LRRTM4: variants seen among roughly 807,000 people sequenced by gnomAD.
LRRTM4 encodes the protein leucine rich repeat transmembrane neuronal 4, also known as leucine-rich repeat transmembrane neuronal protein 4.
Under a neutral mutation model 47.6 loss-of-function variants are expected in LRRTM4, and 25 were observed. The observed-to-expected ratio is 0.53, with a 90% CI of 0.38 to 0.73. LRRTM4 has a LOEUF of 0.73. LRRTM4 is among the 30% of genes least tolerant of loss of function. The pLI, the probability that LRRTM4 is intolerant of heterozygous loss-of-function variation, is 0.00. For missense variants in LRRTM4, 638 were observed against 713.4 expected, an observed-to-expected ratio of 0.89 and a Z score of 1.20; for synonymous variants, 311 against 269.5, an observed-to-expected ratio of 1.15 and a Z score of -1.51.
At chr2:76,769,695 CGGCATTT>C (rs1472694870) in intron 3 of LRRTM4, among the ~76,000 whole-genome samples, 1 of 151,976 alleles carries the variant, frequency 6.6e-6, no homozygotes, top group Non-Finnish European at 1.5e-5. Flanking sequence ...GAATTCGTAT[CGGCATTT>C]TAACAGGACC....
At position 76,802,496 on chromosome 2, in the gene LRRTM4, G is replaced by T. The variant is rs183055861; in HGVS notation, c.1552-53580C>A. On this transcript the variant is annotated intron_variant, in intron 3 of 3. Transcript: ENST00000409884. Reference sequence around the variant, plus strand: ...CCACAAATTAATGGAAACATATCCTGTGTTCATGGATTGGAAGAATGGAAA... The same window carrying T: ...CCACAAATTAATGGAAACATATCCTTTGTTCATGGATTGGAAGAATGGAAA... 3.3e-5 allele frequency among the ~76,000 whole-genome samples: 5 copies of T among 152,122 alleles called. No homozygotes were observed. In the East Asian group the frequency reaches 7.7e-4, roughly 24 times the overall value.
chr2:77,223,872 A>G (rs1423707294), intron 3 of LRRTM4, among the ~76,000 whole-genome samples: 2 of 152,200 alleles, frequency 1.3e-5, no homozygotes, highest in African/African-American at 2.4e-5. Context: ...CAAAGTTCAT[A>G]TGGAACCAAA....
At chr2:76,905,994 A>G (rs531048187) in intron 3 of LRRTM4, among the ~76,000 whole-genome samples, 5 of 152,202 alleles carry the variant, frequency 3.3e-5, no homozygotes, top group Admixed American at 6.5e-5. Context: ...AAATACAGAG[A>G]ACGCCACAAA....
chr2:76,986,821 T>C (rs58758157), intron 3 of LRRTM4, among the ~76,000 whole-genome samples: 18,166 of 151,932 alleles, frequency 0.12, 1,474 homozygotes, highest in East Asian at 0.38. Flanking sequence ...AATACATTTC[T>C]TCTTTTGCTT....
intron 3 of LRRTM4, among the ~76,000 whole-genome samples, chr2:76,971,239 T>C (rs575472221): frequency 2.0e-3 from 309 of 152,140 alleles, no homozygotes; most frequent in Non-Finnish European, 3.1e-3. Context: ...GTCTGTAGTT[T>C]GTTAAAAATG....
At chr2:77,175,059 C>A (rs1673154347) in intron 3 of LRRTM4, among the ~76,000 whole-genome samples, 1 of 141,500 alleles carries the variant, frequency 7.1e-6, no homozygotes, top group Non-Finnish European at 1.5e-5. Flanking sequence ...ATCTATTTTT[C>A]TTTATTTCTT....
chr2:77,247,303 T>C (rs962296619), intron 3 of LRRTM4, among the ~76,000 whole-genome samples: 5 of 152,104 alleles, frequency 3.3e-5, no homozygotes, highest in African/African-American at 1.2e-4. Flanking sequence ...ATGTAATGTA[T>C]AGAGTTGAGT....
chr2:76,989,554 G>A (rs1017679526), intron 3 of LRRTM4, among the ~76,000 whole-genome samples: 3 of 151,796 alleles, frequency 2.0e-5, no homozygotes, highest in Non-Finnish European at 4.4e-5. Context: ...CAGCAAATGA[G>A]TTGAAAATGC....
chr2:77,481,355 T>G (rs568044808), intron 3 of LRRTM4, among the ~76,000 whole-genome samples: 1 of 152,128 alleles, frequency 6.6e-6, no homozygotes, highest in Admixed American at 6.6e-5. Context: ...AGCCATCTAG[T>G]TCGAGAACCT....
At chr2:77,350,079 T>G (rs1671702775) in intron 3 of LRRTM4, among the ~76,000 whole-genome samples, 1 of 151,336 alleles carries the variant, frequency 6.6e-6, no homozygotes, top group Non-Finnish European at 1.5e-5. Flanking sequence ...TCCCAGCACT[T>G]TGGGAGGCCG....
chr2:76,971,184 G>GT (rs1676207932), intron 3 of LRRTM4, among the ~76,000 whole-genome samples: 1 of 151,994 alleles, frequency 6.6e-6, no homozygotes, highest in South Asian at 2.1e-4. Context: ...AATAGAAGAT[G>GT]TTTTTAAAGT....
chr2:77,250,825 C>T (rs368040656), intron 3 of LRRTM4, among the ~76,000 whole-genome samples: 2 of 152,154 alleles, frequency 1.3e-5, no homozygotes, highest in Admixed American at 6.5e-5. Context: ...AAGTAGCAGC[C>T]GGGCGTGATG....
intron 3 of LRRTM4, among the ~76,000 whole-genome samples, chr2:77,398,389 C>T (rs73941273): frequency 0.033 from 4,939 of 151,944 alleles, 277 homozygotes; most frequent in African/African-American, 0.11. Flanking sequence ...ATGCATATTG[C>T]ATATTACATC....
At chr2:77,238,098 G>A (rs1172326767) in intron 3 of LRRTM4, among the ~76,000 whole-genome samples, 2 of 152,010 alleles carry the variant, frequency 1.3e-5, no homozygotes, top group African/African-American at 4.8e-5. Context: ...TTAATTAAAT[G>A]GCATTATATG....
chr2:76,911,377 C>G (rs551257050), intron 3 of LRRTM4, among the ~76,000 whole-genome samples: 4 of 152,302 alleles, frequency 2.6e-5, no homozygotes, highest in Non-Finnish European at 5.9e-5. Context: ...GTTTCCTGGA[C>G]AGCCAAGAAC....
chr2:77,250,828 G>C (rs929667071), intron 3 of LRRTM4, among the ~76,000 whole-genome samples: 2 of 152,098 alleles, frequency 1.3e-5, no homozygotes, highest in African/African-American at 4.8e-5. Context: ...TAGCAGCCGG[G>C]CGTGATGGCT....
At chr2:76,828,698 T>A (rs551505244) in intron 3 of LRRTM4, among the ~76,000 whole-genome samples, 1 of 152,070 alleles carries the variant, frequency 6.6e-6, no homozygotes, top group East Asian at 1.9e-4. Flanking sequence ...CTTTAATTAA[T>A]GTGAGCTCAT....
intron 3 of LRRTM4, among the ~76,000 whole-genome samples, chr2:76,897,474 C>T (rs1339828852): frequency 2.0e-5 from 3 of 151,984 alleles, no homozygotes; most frequent in African/African-American, 7.2e-5. Flanking sequence ...ATGGTATGTG[C>T]TATATAAGTG....
intron 3 of LRRTM4, among the ~76,000 whole-genome samples, chr2:76,844,578 G>GT (rs1337049626): frequency 1.3e-5 from 2 of 152,232 alleles, no homozygotes; most frequent in Admixed American, 6.5e-5. Flanking sequence ...CTATAATGTA[G>GT]TTTTTTACTG....
Sources: gnomAD v4.1 joint callset for allele counts (sites outside exome capture counted in the v4.1 genomes callset) on GRCh38, gnomAD v4.1.1 for gene constraint, MANE v1.5 for transcripts, NCBI Gene and HGNC (gene_info 2026-07-23, HGNC 2026-07-21) for gene names.